The following SECISBP2 variants were observed in gnomAD, a reference collection of about 807,000 sequenced individuals.
SECISBP2 encodes the protein selenocysteine insertion sequence-binding protein 2.
Under a neutral mutation model 98.2 loss-of-function variants are expected in SECISBP2, and 96 were observed. The ratio of observed to expected loss-of-function variants is 0.98; its 90% CI spans 0.83 to 1.16. The LOEUF (loss-of-function observed/expected upper bound fraction) is 1.16, where lower values mean the gene tolerates loss of function less well. Ranked by LOEUF, SECISBP2 falls within the 50% of genes most tolerant of loss-of-function variation. The pLI, the probability that SECISBP2 is intolerant of heterozygous loss-of-function variation, is 0.00. For missense variants in SECISBP2, 1,046 were observed against 1,022.9 expected (o/e 1.02, Z -0.31); for synonymous variants, 407 against 370.2 (o/e 1.10, Z -1.14).
At chr9:89,333,129 G>C (rs1209886090) in intron 6 of SECISBP2, 143 bp downstream of exon 6, 6 of 719,920 alleles carry the variant, frequency 8.3e-6, no homozygotes, top group Non-Finnish European at 1.5e-5. Context: ...ATCAGTGTTA[G>C]TTTAGAAAGT....
At chr9:89,318,724 G>C in intron 1 of SECISBP2, 112 bp downstream of exon 1, 2 of 1,255,380 alleles carry the variant, frequency 1.6e-6, no homozygotes, top group South Asian at 3.8e-5. Flanking sequence ...TCGGATGCTG[G>C]TGACGGCACG....
chr9:89,354,312 T>TA lies in SECISBP2; in HGVS notation c.2114-3098dup, dbSNP rs546399873. Among the ~76,000 whole-genome samples the TA allele has an allele frequency of 3.9e-4, 59 of 152,356 alleles. No individual in the cohort carries two copies. In the East Asian group the frequency reaches 9.4e-3, roughly 24 times the overall value. ...TAGAGTGGTACTTTCAGCTGTGACT[T>TA]ACTACAGTGAAAAGGCACAAAGCAA... On this transcript the variant is annotated intron_variant, in intron 14 of 16. Transcript: ENST00000375807.
chr9:89,337,511 A>G (rs1243752086), intron 7 of SECISBP2, among the ~76,000 whole-genome samples: 1 of 152,328 alleles, frequency 6.6e-6, no homozygotes, highest in East Asian at 1.9e-4. Context: ...ATATGAACAA[A>G]GAGAGAGGGG....
chr9:89,325,576 A>G lies in SECISBP2; in HGVS notation c.332A>G (p.Tyr111Cys), dbSNP rs1278130361. The change falls in exon 3 of 17, where the codon TAT (tyrosine) becomes TGT (cysteine). Residue 111 changes from tyrosine (Y) to cysteine (C), a missense_variant. By Grantham distance (194) the Tyr-to-Cys change is radical (BLOSUM62 -2). Transcript: ENST00000375807. ...GTTTACTCAGTGCCTGGCTCCCAGT[A>G]TCTTTATAACCAACCCAGTTGTTAC... ...QNVYSVPGSQ[Y>C]LYNQPSCYRG... 5 of 1,614,040 alleles carry G rather than the reference A, an allele frequency of 3.1e-6. No homozygotes were observed. The highest frequency in any genetic ancestry group is 1.3e-5 in the African/African-American group (1 of 74,930).
chr9:89,336,766 CTTTTTTTTTTT>C (rs1167993596), intron 7 of SECISBP2, among the ~76,000 whole-genome samples: 5 of 75,210 alleles, frequency 6.6e-5, no homozygotes, highest in Middle Eastern at 0.015. Context: ...CTGTCTAATT[CTTTTTTTTTTT>C]TTTTTTTTTT....
chr9:89,330,429 G>A (rs1019202387), intron 5 of SECISBP2: 2 of 152,192 alleles, frequency 1.3e-5, no homozygotes, highest in African/African-American at 4.8e-5. Context: ...AAGGCAAGTA[G>A]AAAGAAGAAA....
chr9:89,329,176 G>T (rs1587877200), intron 5 of SECISBP2: 1 of 369,532 alleles, frequency 2.7e-6, no homozygotes. Context: ...GCAGTGGCAC[G>T]ATCTCAGCTC....
At chr9:89,331,112 A>G (rs758541746) in intron 5 of SECISBP2, among the ~76,000 whole-genome samples, 13 of 152,252 alleles carry the variant, frequency 8.5e-5, no homozygotes, top group Non-Finnish European at 1.5e-4. Flanking sequence ...TGTACAACCA[A>G]AAGAAAAGCA....
chr9:89,329,498 G>C (rs1223961179), intron 5 of SECISBP2: 1 of 152,688 alleles, frequency 6.5e-6, no homozygotes, highest in Non-Finnish European at 1.5e-5. Flanking sequence ...GTGTTGCCCA[G>C]GCTGAAGTGC....
chr9:89,347,265 GAGGAA>G (rs1382388312), intron 11 of SECISBP2, among the ~76,000 whole-genome samples: 1 of 152,178 alleles, frequency 6.6e-6, no homozygotes, highest in African/African-American at 2.4e-5. Context: ...AGCTACCTGA[GAGGAA>G]AGGAACATGT....
At chr9:89,335,764 T>C (rs2131742111) in intron 7 of SECISBP2, among the ~76,000 whole-genome samples, 1 of 152,362 alleles carries the variant, frequency 6.6e-6, no homozygotes, top group African/African-American at 2.4e-5. Flanking sequence ...ATACAAGTGA[T>C]AGCTTTCCTT....
At chr9:89,334,339 A>C (rs910233583) in intron 6 of SECISBP2, among the ~76,000 whole-genome samples, 183 bp from the exon 7 acceptor site, 1 of 152,230 alleles carries the variant, frequency 6.6e-6, no homozygotes, top group African/African-American at 2.4e-5. Context: ...AAAATGCAGC[A>C]TGCATGCCCC....
At chr9:89,321,061 A>G (rs1825718651) in intron 2 of SECISBP2, among the ~76,000 whole-genome samples, 1 of 152,212 alleles carries the variant, frequency 6.6e-6, no homozygotes, top group Non-Finnish European at 1.5e-5. Context: ...TTTTTTGACG[A>G]AAGTTGAAAC....
intron 14 of SECISBP2, 109 bp downstream of exon 14, chr9:89,350,961 C>A: frequency 1.1e-6 from 1 of 901,900 alleles, no homozygotes; most frequent in Non-Finnish European, 1.8e-6. Flanking sequence ...CTTGACAACT[C>A]GTTTTCTTTG....
At chr9:89,331,945 T>C (rs998147194) in intron 5 of SECISBP2, among the ~76,000 whole-genome samples, 1 of 152,220 alleles carries the variant, frequency 6.6e-6, no homozygotes, top group Non-Finnish European at 1.5e-5. Context: ...CTAATGAAGC[T>C]ATAGATGTGG....
At chr9:89,323,325 A>AT (rs1004762683) in intron 2 of SECISBP2, 12 of 152,274 alleles carry the variant, frequency 7.9e-5, no homozygotes, top group African/African-American at 2.9e-4. Context: ...AAGCAGAAAG[A>AT]TAAGAGGTTC....
At chr9:89,356,187 ACT>A (rs1232695476) in intron 14 of SECISBP2, among the ~76,000 whole-genome samples, 5 of 151,972 alleles carry the variant, frequency 3.3e-5, no homozygotes, top group South Asian at 2.1e-4. Context: ...AGGAGCACAA[ACT>A]CTGTTGTAAA....
downstream of SECISBP2, among the ~76,000 whole-genome samples, chr9:89,360,263 C>G (rs1196448757): frequency 6.6e-6 from 1 of 152,150 alleles, no homozygotes; most frequent in South Asian, 2.1e-4. Context: ...GCGGGGCCAG[C>G]AGGAAAGGAG....
chr9:89,330,735 C>T (rs900874954), intron 5 of SECISBP2, among the ~76,000 whole-genome samples: 2 of 152,214 alleles, frequency 1.3e-5, no homozygotes, highest in Non-Finnish European at 2.9e-5. Flanking sequence ...CCAGGGGCTC[C>T]AGGCTGGGTT....
Sources: allele counts gnomAD v4.1 joint callset (sites outside exome capture counted in the v4.1 genomes callset), GRCh38; gene constraint gnomAD v4.1.1; transcripts MANE v1.5; gene names NCBI Gene and HGNC (gene_info 2026-07-23, HGNC 2026-07-21).